Variants in SGIP1 observed in about 807,000 individuals in gnomAD.
SGIP1 encodes the protein SH3GL interacting endocytic adaptor 1.
In SGIP1, 38 loss-of-function variants were observed where a neutral mutation model predicts 107.5. The observed-to-expected ratio is 0.35, with a 90% confidence interval of 0.27 to 0.46. The LOEUF is 0.46. Among genes scored for constraint, SGIP1 ranks in the 20% least tolerant of loss-of-function variants. The probability of loss-of-function intolerance (pLI) is 1.00; values close to 1 mark genes in which losing one functional copy is unlikely to be tolerated. For synonymous variants in SGIP1, 365 were observed against 366.1 expected, an observed-to-expected ratio of 1.00 and a Z score of 0.03; for missense variants, 929 against 1,019.5, an observed-to-expected ratio of 0.91 and a Z score of 1.21.
intron 19 of SGIP1, among the ~76,000 whole-genome samples, chr1:66,725,437 A>G (rs2150520180): frequency 6.6e-6 from 1 of 152,314 alleles, no homozygotes; most frequent in Non-Finnish European, 1.5e-5. Flanking sequence ...TCATTTATTA[A>G]CATCAATTTC....
intron 1 of SGIP1, among the ~76,000 whole-genome samples, chr1:66,620,819 C>T (rs1157724542): frequency 6.6e-6 from 1 of 152,210 alleles, no homozygotes; most frequent in African/African-American, 2.4e-5. Context: ...AGGCAATGCA[C>T]GTTTTTCTGT....
chr1:66,598,249 C>T (rs924305012), intron 1 of SGIP1, among the ~76,000 whole-genome samples: 2 of 152,048 alleles, frequency 1.3e-5, no homozygotes, highest in African/African-American at 4.8e-5. Context: ...ATAAGGAAAG[C>T]AATAAAAACT....
intron 7 of SGIP1, among the ~76,000 whole-genome samples, chr1:66,658,373 G>A (rs918870015): frequency 6.6e-6 from 1 of 152,194 alleles, no homozygotes; most frequent in African/African-American, 2.4e-5. Context: ...TGCAACATGT[G>A]TAAGCACCTG....
chr1:66,689,295 G>A lies in SGIP1; in HGVS notation c.1443+20G>A, dbSNP rs2089277826. 2 of 1,609,056 alleles carry A rather than the reference G, an allele frequency of 1.2e-6. No homozygotes were observed. Among genetic ancestry groups the A allele is most frequent in the Non-Finnish European group, 1.7e-6 (2 of 1,177,632 alleles). On this transcript the variant is annotated intron_variant, in intron 16 of 24. Transcript: ENST00000371037. ...GATGTGGTATGTTCCCTTCTGCCCT[G>A]GCTTGCTCAGAAACAGTGAGAATGA... is the stretch of plus-strand genomic sequence containing the variant.
At chr1:66,699,851 A>G (rs561627431) in intron 18 of SGIP1, among the ~76,000 whole-genome samples, 2 of 152,318 alleles carry the variant, frequency 1.3e-5, no homozygotes, top group African/African-American at 4.8e-5. Context: ...ATAAAATAGG[A>G]AAGGAGAATG....
At chr1:66,620,567 A>G (rs1272773953) in intron 1 of SGIP1, among the ~76,000 whole-genome samples, 1 of 152,104 alleles carries the variant, frequency 6.6e-6, no homozygotes, top group Non-Finnish European at 1.5e-5. Context: ...AGAGAGTGGG[A>G]GGAGGAGATG....
chr1:66,720,126 A>G, intron 19 of SGIP1, among the ~76,000 whole-genome samples: 1 of 152,186 alleles, frequency 6.6e-6, no homozygotes. Context: ...GATTCAGAAA[A>G]TCAATGGTTT....
At position 66,667,534 on chromosome 1, in the gene SGIP1, G is replaced by A. The variant is rs200789505; in HGVS notation, c.476G>A (p.Arg159His). The change falls in exon 9 of 25, where the codon CGC becomes CAC. Residue 159 changes from arginine (R) to histidine (H), a missense_variant. By Grantham distance (29) the Arg-to-His change is conservative. Around this residue, in one of 2 missense-constraint regions of SGIP1, gnomAD observed 588 missense variants for 588.6 expected, o/e 1.00. Transcript: ENST00000371037. ...CTTCCTTTTTGCTGATCACAGAGGC[G>A]CAGCCCGGTAAGAACTCTCAACATT... is the stretch of plus-strand genomic sequence containing the variant. ...SPSPVRKSPR[R>H]SPGAIKRNLS... 2.1e-4 allele frequency: 334 copies of A among 1,613,598 alleles called. 1 individual carries two copies. In the Admixed American group the frequency reaches 2.4e-3, roughly 11 times the overall value.
At chr1:66,649,308 G>A (rs1468155328) in intron 7 of SGIP1, among the ~76,000 whole-genome samples, 1 of 152,136 alleles carries the variant, frequency 6.6e-6, no homozygotes, top group South Asian at 2.1e-4. Flanking sequence ...CAGAAACTTT[G>A]TACATACCCC....
At chr1:66,667,283 T>C (rs1422532147) in intron 8 of SGIP1, among the ~76,000 whole-genome samples, 1 of 152,212 alleles carries the variant, frequency 6.6e-6, no homozygotes, top group Non-Finnish European at 1.5e-5. Flanking sequence ...TACACATAAC[T>C]AAAACTTACA....
intron 1 of SGIP1, among the ~76,000 whole-genome samples, chr1:66,569,309 G>A (rs12125455): frequency 0.15 from 23,435 of 151,846 alleles, 2,366 homozygotes; most frequent in East Asian, 0.45. Flanking sequence ...TTCTGATCCT[G>A]GTAGAAAAGC....
intron 1 of SGIP1, among the ~76,000 whole-genome samples, chr1:66,570,089 T>C (rs1271839071): frequency 5.3e-5 from 8 of 151,892 alleles, no homozygotes; most frequent in Non-Finnish European, 1.2e-4. Context: ...CTTTTGATAT[T>C]AGTAATTTAC....
rs1288677538 is a variant in SGIP1, at chr1:66,744,413, T to C, written c.*1318T>C. ...TGAACATTTAGAAAGACAAACTTCT[T>C]CGGGAGTCTCAGTTGTAAAACCTTC... is the stretch of plus-strand genomic sequence containing the variant. On this transcript the variant is annotated 3_prime_UTR_variant, in exon 25 of 25. Coordinates refer to ENST00000371037, the MANE Select transcript of SGIP1 (RefSeq NM_032291.4). 6.6e-6 allele frequency: 1 copy of C among 152,146 alleles called. No individual in the cohort carries two copies. Among genetic ancestry groups the C allele is most frequent in the African/African-American group, 2.4e-5 (1 of 41,466 alleles). The allele number at this position is 152,146 out of a possible 1,614,324, so 9.4% of individuals were successfully genotyped here.
chr1:66,670,452 C>G (rs2083507118), intron 9 of SGIP1, among the ~76,000 whole-genome samples: 1 of 152,214 alleles, frequency 6.6e-6, no homozygotes, highest in Non-Finnish European at 1.5e-5. Context: ...GTGGAATTCC[C>G]TGGCTTTCTG....
At chr1:66,572,102 G>A (rs915715431) in intron 1 of SGIP1, among the ~76,000 whole-genome samples, 8 of 152,070 alleles carry the variant, frequency 5.3e-5, no homozygotes, top group East Asian at 1.9e-4. Flanking sequence ...CATGATAATC[G>A]CCTGTCAAAT....
At chr1:66,672,463 T>G (rs914358590) in intron 11 of SGIP1, among the ~76,000 whole-genome samples, 3 of 152,208 alleles carry the variant, frequency 2.0e-5, no homozygotes, top group African/African-American at 7.2e-5. Context: ...TAGGTAAGTA[T>G]TGTACAAATG....
chr1:66,571,409 C>A (rs1038668628), intron 1 of SGIP1, among the ~76,000 whole-genome samples: 5 of 151,892 alleles, frequency 3.3e-5, no homozygotes, highest in African/African-American at 1.2e-4. Flanking sequence ...TGAATGTAGA[C>A]CTGATTAAAT....
At position 66,656,868 on chromosome 1, in the gene SGIP1, T is replaced by A. The variant is rs2079895787; in HGVS notation, c.460-3645T>A. 3.3e-5 allele frequency among the ~76,000 whole-genome samples: 5 copies of A among 152,162 alleles called. 1 individual carries two copies. The South Asian group carries it at 1.0e-3, about 31-fold the overall frequency. ...TTATTTTATAATAGAATCCCATTTA[T>A]CAAAATATAAAGAATCAGATTGGGC... On this transcript the variant is annotated intron_variant, in intron 7 of 24. Transcript: ENST00000371037.
At chr1:66,661,843 G>A (rs1346616713) in intron 8 of SGIP1, among the ~76,000 whole-genome samples, 2 of 151,952 alleles carry the variant, frequency 1.3e-5, no homozygotes, top group African/African-American at 4.8e-5. Context: ...GTCCTTCACG[G>A]CAATTTTAAC....
Sources: gnomAD v4.1 joint callset for allele counts (sites outside exome capture counted in the v4.1 genomes callset) on GRCh38, gnomAD v4.1.1 for gene constraint, gnomAD v4.1.1 regional missense constraint, MANE v1.5 for transcripts, NCBI Gene and HGNC (gene_info 2026-07-23, HGNC 2026-07-21) for gene names.